The following DLG2 variants were observed in gnomAD, a reference collection of about 807,000 sequenced individuals.
DLG2 encodes the protein discs large MAGUK scaffold protein 2, also known as disks large homolog 2.
In DLG2, 45 loss-of-function variants were observed where a neutral mutation model predicts 132.5. The ratio of observed to expected loss-of-function variants is 0.34; its 90% CI spans 0.27 to 0.44. The LOEUF (loss-of-function observed/expected upper bound fraction) is 0.44. Among genes scored for constraint, DLG2 ranks in the 20% least tolerant of loss-of-function variants. The probability of loss-of-function intolerance (pLI) is 1.00; values close to 1 mark genes in which losing one functional copy is unlikely to be tolerated. For synonymous variants in DLG2, 424 were observed against 419.6 expected (o/e 1.01, Z -0.13); for missense variants, 1,045 against 1,196.9 (o/e 0.87, Z 1.87).
At chr11:85,490,047 G>C (rs1195799886) in intron 3 of DLG2, among the ~76,000 whole-genome samples, 1 of 151,996 alleles carries the variant, frequency 6.6e-6, no homozygotes, top group African/African-American at 2.4e-5. Context: ...AATTAGCCAG[G>C]TGCAGTGGTA....
intron 5 of DLG2, among the ~76,000 whole-genome samples, chr11:85,143,789 G>T (rs1328322996): frequency 2.0e-5 from 3 of 151,756 alleles, no homozygotes; most frequent in Admixed American, 2.0e-4. Context: ...GGTCAGAAAA[G>T]ATATTTAATA....
At chr11:84,651,259 G>A (rs1163351665) in intron 6 of DLG2, among the ~76,000 whole-genome samples, 1 of 151,680 alleles carries the variant, frequency 6.6e-6, no homozygotes. Context: ...TCATCTATAA[G>A]TTCTTCCCAA....
chr11:84,264,984 T>C (rs79680352), intron 7 of DLG2, among the ~76,000 whole-genome samples: 19 of 152,290 alleles, frequency 1.2e-4, no homozygotes, highest in African/African-American at 4.3e-4. Flanking sequence ...CTGATTTTAA[T>C]ACTAGTCTAA....
At chr11:85,483,566 G>C (rs1385554180) in intron 3 of DLG2, among the ~76,000 whole-genome samples, 2 of 152,140 alleles carry the variant, frequency 1.3e-5, no homozygotes, top group Non-Finnish European at 2.9e-5. Context: ...AAAGAAAGCA[G>C]ACAATCAAAT....
chr11:83,559,467 A>G (rs777594469), intron 19 of DLG2, among the ~76,000 whole-genome samples: 2 of 152,178 alleles, frequency 1.3e-5, no homozygotes, highest in African/African-American at 2.4e-5. Context: ...GTGTTAGTGG[A>G]GAAATCAAGC....
At chr11:85,346,570 T>C (rs1331528228) in intron 3 of DLG2, among the ~76,000 whole-genome samples, 1 of 152,118 alleles carries the variant, frequency 6.6e-6, no homozygotes, top group Non-Finnish European at 1.5e-5. Context: ...TCTCCAGAAA[T>C]CAGAATACGT....
chr11:84,282,636 C>A (rs1209718795), intron 7 of DLG2, among the ~76,000 whole-genome samples: 3 of 151,972 alleles, frequency 2.0e-5, no homozygotes, highest in African/African-American at 7.3e-5. Flanking sequence ...AATCTGTCTC[C>A]TTGAAGAGGG....
intron 3 of DLG2, among the ~76,000 whole-genome samples, chr11:85,333,886 T>TG (rs200891100): frequency 6.6e-6 from 1 of 151,104 alleles, no homozygotes; most frequent in Non-Finnish European, 1.5e-5. Context: ...GGCCTGAAGT[T>TG]GGTTTTTTTT....
At chr11:83,840,242 G>T (rs2057248016) in intron 16 of DLG2, among the ~76,000 whole-genome samples, 1 of 152,096 alleles carries the variant, frequency 6.6e-6, no homozygotes, top group Non-Finnish European at 1.5e-5. Context: ...TGTCATAATT[G>T]CTCATACCTT....
chr11:83,584,144 A>G (rs1380321441), intron 19 of DLG2, among the ~76,000 whole-genome samples: 1 of 152,182 alleles, frequency 6.6e-6, no homozygotes, highest in Non-Finnish European at 1.5e-5. Context: ...GTTTCCTATT[A>G]TAGACTTTTG....
At chr11:83,535,576 C>A (rs1294739430) in intron 20 of DLG2, among the ~76,000 whole-genome samples, 1 of 151,826 alleles carries the variant, frequency 6.6e-6, no homozygotes, top group Non-Finnish European at 1.5e-5. Flanking sequence ...GTCAGCCAGA[C>A]ACACACACAG....
chr11:83,924,052 A>G (rs1362457575), intron 15 of DLG2, among the ~76,000 whole-genome samples: 1 of 152,036 alleles, frequency 6.6e-6, no homozygotes, highest in Non-Finnish European at 1.5e-5. Flanking sequence ...TTTATATAAC[A>G]CGATGCTTAA....
At chr11:85,307,573 C>T (rs902371295) in intron 3 of DLG2, among the ~76,000 whole-genome samples, 2 of 152,134 alleles carry the variant, frequency 1.3e-5, no homozygotes, top group Non-Finnish European at 2.9e-5. Flanking sequence ...TTCTCTAAAC[C>T]ACGATGATCC....
chr11:84,463,467 A>G (rs1287532953), intron 7 of DLG2, among the ~76,000 whole-genome samples: 1 of 151,130 alleles, frequency 6.6e-6, no homozygotes, highest in Non-Finnish European at 1.5e-5. Context: ...CTGCACTCCT[A>G]ATACTCTTGT....
chr11:85,394,577 T>C (rs1371822526), intron 3 of DLG2, among the ~76,000 whole-genome samples: 4 of 152,334 alleles, frequency 2.6e-5, no homozygotes, highest in Admixed American at 6.5e-5. Flanking sequence ...AGAATAATTG[T>C]TGACTTCTCA....
intron 4 of DLG2, among the ~76,000 whole-genome samples, chr11:85,171,066 GA>G (rs2078830189): frequency 6.6e-6 from 1 of 152,100 alleles, no homozygotes; most frequent in Non-Finnish European, 1.5e-5. Flanking sequence ...GTTTGGAAAA[GA>G]AGGTGATACA....
intron 6 of DLG2, among the ~76,000 whole-genome samples, chr11:85,055,022 A>G (rs932674882): frequency 6.6e-6 from 1 of 152,194 alleles, no homozygotes; most frequent in South Asian, 2.1e-4. Flanking sequence ...ATAAAAGATT[A>G]AAAATAAAAA....
intron 6 of DLG2, among the ~76,000 whole-genome samples, chr11:85,034,045 G>T (rs1310218701): frequency 6.6e-6 from 1 of 151,892 alleles, no homozygotes; most frequent in Non-Finnish European, 1.5e-5. Context: ...AAGAACCATG[G>T]GGTCCAGCTA....
intron 7 of DLG2, among the ~76,000 whole-genome samples, chr11:84,315,961 A>G (rs1323811559): frequency 6.6e-6 from 1 of 152,158 alleles, no homozygotes; most frequent in African/African-American, 2.4e-5. Context: ...TCTTCAATAC[A>G]TATTAAACAG....
Sources: gnomAD v4.1 joint callset for allele counts (sites outside exome capture counted in the v4.1 genomes callset) on GRCh38, gnomAD v4.1.1 for gene constraint, MANE v1.5 for transcripts, NCBI Gene and HGNC (gene_info 2026-07-23, HGNC 2026-07-21) for gene names.